Variants in RTL1 observed in about 807,000 individuals in gnomAD.
RTL1 encodes the protein retrotransposon-like protein 1.
For missense variants in RTL1, 1,681 were observed against 1,767.5 expected (o/e 0.95, Z 0.88); for synonymous variants, 727 against 748.4 (o/e 0.97, Z 0.47).
At chr14:100,895,350 CTG>C (rs956573992) in intron 2 of RTL1, among the ~76,000 whole-genome samples, 1 of 152,066 alleles carries the variant, frequency 6.6e-6, no homozygotes, top group Non-Finnish European at 1.5e-5. Flanking sequence ...AGATGGATGA[CTG>C]TGGACATGTG....
At position 100,883,817 on chromosome 14, in the gene RTL1, G is replaced by C. The variant is rs1295551468; in HGVS notation, c.972C>G (p.Ala324=). The change falls in exon 4 of 4, where the codon GCC becomes GCG. Residue 324 remains alanine (A), a synonymous_variant. Coordinates refer to ENST00000649591, the MANE Select transcript of RTL1 (RefSeq NM_001134888.3). This position sits in a 1 kb window ranked among gnomAD's most constrained non-coding sequence, Gnocchi z 5.9. ...CCTCGTTGAGCCCCTGGCACAAGTGGGCCTGCAGGACTTCATCTGGCCAGC... is the reference window on the plus strand; with the variant it reads ...CCTCGTTGAGCCCCTGGCACAAGTGCGCCTGCAGGACTTCATCTGGCCAGC... The part of the protein sequence containing the change: ...ILGWPDEVLQ[A]HLCQGLNEEI... 10 of 1,551,648 alleles carry C rather than the reference G, an allele frequency of 6.4e-6. No individual in the cohort carries two copies. Among genetic ancestry groups the C allele is most frequent in the Non-Finnish European group, 8.7e-6 (10 of 1,146,988 alleles).
intron 2 of RTL1, among the ~76,000 whole-genome samples, chr14:100,902,592 C>T (rs1414304580): frequency 2.0e-5 from 3 of 150,816 alleles, no homozygotes; most frequent in Non-Finnish European, 4.4e-5. Context: ...CCGGCCAGCC[C>T]TGGTCAGCCC....
Position 100,883,304 on chromosome 14 carries a change from T to C in RTL1, c.1485A>G (p.Val495=), listed in dbSNP as rs376681832. Residue 495 remains valine (V), a synonymous_variant, in exon 4 of 4, where the codon GTA becomes GTG. Transcript: ENST00000649591. The surrounding 1 kb of genome is among the most constrained non-coding windows in gnomAD (Gnocchi z 5.9). ...NHQESIEFDI[V]PSPNFSVVLG... is the part of the protein sequence containing the mutation. ...GGACCACAGAGAAGTTCGGTGAAGG[T>C]ACGATGTCAAATTCGATGGACTCCT... The C allele has an allele frequency of 3.9e-6, 6 of 1,550,842 alleles. No individual in the cohort carries two copies. The African/African-American group carries it at 8.2e-5, about 21-fold the overall frequency.
At position 100,883,133 on chromosome 14, in the gene RTL1, T is replaced by G. The variant is rs766031508; in HGVS notation, c.1656A>C (p.Leu552=). The G allele has an allele frequency of 1.2e-6, 2 of 1,610,344 alleles. No individual in the cohort carries two copies. Among genetic ancestry groups the G allele is most frequent in the Non-Finnish European group, 1.7e-6 (2 of 1,178,044 alleles). The part of the protein sequence containing the change: ...IALERHGMSL[L]PGLPHPYSDL... ...CTGAGTATGGGTGTGGCAGTCCGGG[T>G]AGCAGGCTCATGCCGTGCCTCTCTA... The change falls in exon 4 of 4, where the codon CTA becomes CTC. Residue 552 remains leucine (L), a synonymous_variant. Coordinates refer to ENST00000649591, the MANE Select transcript of RTL1 (RefSeq NM_001134888.3). This position sits in a 1 kb window ranked among gnomAD's most constrained non-coding sequence, Gnocchi z 5.9.
chr14:100,882,614 C>G lies in RTL1; in HGVS notation c.2175G>C (p.Gly725=). Residue 725 remains glycine (G), a synonymous_variant, in exon 4 of 4, where the codon GGG becomes GGC. Coordinates refer to ENST00000649591, the MANE Select transcript of RTL1 (RefSeq NM_001134888.3). ...CCTGGCCATAAGAAAGCACAAAGAA[C>G]CCTAGCATGTCCTTTAGGATGAAGT... is the stretch of plus-strand genomic sequence containing the variant. ...VIHFILKDML[G]FFVLSYGQEV... 6.4e-7 allele frequency: 1 copy of G among 1,551,716 alleles called. No individual in the cohort carries two copies.
chr14:100,882,985 C>T lies in RTL1; in HGVS notation c.1804G>A (p.Asp602Asn). The change falls in exon 4 of 4, where the codon GAT becomes AAT. Residue 602 changes from aspartate to asparagine, a missense_variant. By Grantham distance (23) the Asp-to-Asn change is conservative. Coordinates refer to ENST00000649591, the MANE Select transcript of RTL1 (RefSeq NM_001134888.3). ...CACTCGTAAAAGGTCTCGCTGTGAT[C>T]ACTGTCTCCAGCCTGCTGAAGCTCA... The part of the protein sequence containing the change: ...PSELQQAGDS[D>N]HSETFYECPS... 1 of 1,614,136 alleles carries T rather than the reference C, an allele frequency of 6.2e-7. No individual in the cohort carries two copies. Among genetic ancestry groups the T allele is most frequent in the South Asian group, 1.1e-5 (1 of 91,060 alleles).
chr14:100,884,358 G>A lies in RTL1; in HGVS notation c.431C>T (p.Ser144Leu), dbSNP rs959063893. The A allele has an allele frequency of 1.3e-5, 20 of 1,560,634 alleles. No homozygotes were observed. Among genetic ancestry groups the A allele is most frequent in the African/African-American group, 4.1e-5 (3 of 73,554 alleles). The change falls in exon 4 of 4, where the codon TCG becomes TTG. Residue 144 changes from serine (S) to leucine (L), a missense_variant. Ser to Leu is a moderately radical substitution (Grantham distance 145, BLOSUM62 -2). Transcript: ENST00000649591. ...CTCTTGAGGAGTCTCCTCCCTTCCCGATTCCTTCAGGTCAGTGTGAGCCTC... is the reference window on the plus strand; with the variant it reads ...CTCTTGAGGAGTCTCCTCCCTTCCCAATTCCTTCAGGTCAGTGTGAGCCTC... Reference protein sequence around the residue: ...EQEAHTDLKESGREETPQEQN... With the variant: ...EQEAHTDLKELGREETPQEQN...
intron 2 of RTL1, among the ~76,000 whole-genome samples, chr14:100,895,495 C>A (rs1198439220): frequency 3.9e-5 from 6 of 152,068 alleles, no homozygotes; most frequent in Non-Finnish European, 5.9e-5. Flanking sequence ...GTAGAAAAGG[C>A]ACTTATTTTA....
intron 3 of RTL1, among the ~76,000 whole-genome samples, chr14:100,891,326 T>C (rs775542946): frequency 5.3e-5 from 8 of 152,212 alleles, no homozygotes; most frequent in Non-Finnish European, 8.8e-5. Context: ...ACCGAGGTCC[T>C]TGAATGCCAG....
At chr14:100,894,372 G>A (rs1047721793) in intron 2 of RTL1, among the ~76,000 whole-genome samples, 9 of 150,822 alleles carry the variant, frequency 6.0e-5, no homozygotes, top group Non-Finnish European at 8.8e-5. Flanking sequence ...TCTGGGCCCC[G>A]GCCTCTGTTG....
At position 100,883,485 on chromosome 14, in the gene RTL1, C is replaced by G; in HGVS notation, c.1304G>C (p.Gly435Ala). The G allele has an allele frequency of 6.4e-7, 1 of 1,551,356 alleles. No homozygotes were observed. Among genetic ancestry groups the G allele is most frequent in the Non-Finnish European group, 8.7e-7 (1 of 1,146,936 alleles). ...GGCGAACTTCTCATCCATGAAGTTG[C>G]CGTCAGCTCCCGAATCCACCAGGGC... is the stretch of plus-strand genomic sequence containing the variant. ...VQALVDSGAD[G>A]NFMDEKFAQE... Residue 435 changes from glycine to alanine, a missense_variant, in exon 4 of 4, where the codon GGC (glycine) becomes GCC (alanine). By Grantham distance (60) the Gly-to-Ala change is moderately conservative. Coordinates refer to ENST00000649591, the MANE Select transcript of RTL1 (RefSeq NM_001134888.3). The surrounding 1 kb of genome is among the most constrained non-coding windows in gnomAD (Gnocchi z 5.9).
Position 100,882,105 on chromosome 14 carries a change from T to C in RTL1, c.2684A>G (p.Asp895Gly), listed in dbSNP as rs183287210. Residue 895 changes from aspartate (D) to glycine (G), a missense_variant, in exon 4 of 4, where the codon GAC (aspartate) becomes GGC (glycine). Transcript: ENST00000649591. ...ALHASLIQIDDQTGKRACCAF... is the reference protein window; with the variant it reads ...ALHASLIQIDGQTGKRACCAF... ...GCAGCAGGCTCTCTTGCCGGTTTGG[T>C]CGTCGATTTGGATCAGGGAGGCGTG... 5 of 1,567,348 alleles carry C rather than the reference T, an allele frequency of 3.2e-6. No homozygotes were observed. Among genetic ancestry groups the C allele is most frequent in the African/African-American group, 1.4e-5 (1 of 73,780 alleles).
chr14:100,880,282 A>G lies in RTL1; in HGVS notation c.*430T>C, dbSNP rs1458385000. Among the ~76,000 whole-genome samples the G allele has an allele frequency of 6.6e-6, 1 of 151,508 alleles. No individual in the cohort carries two copies. Among genetic ancestry groups the G allele is most frequent in the Non-Finnish European group, 1.5e-5 (1 of 67,902 alleles). On this transcript the variant is annotated 3_prime_UTR_variant, in exon 4 of 4. Transcript: ENST00000649591. ...CAGTGGAGGTAGAAGAAGTCAGTGG[A>G]GCACCCGAGGTCAGTGTCCCAGGGT...
At position 100,883,361 on chromosome 14, in the gene RTL1, C is replaced by T; in HGVS notation, c.1428G>A (p.Thr476=). 2 of 1,551,302 alleles carry T rather than the reference C, an allele frequency of 1.3e-6. No individual in the cohort carries two copies. The highest frequency in any genetic ancestry group is 1.7e-6 in the Non-Finnish European group (2 of 1,146,814). ...TCTGGTGGATACACACCAGGGGCTC[C>T]GTGTAGAGCCAGACAGGCTCGTTGC... The part of the protein sequence containing the change: ...LIGNEPVWLY[T]EPLVCIHQNH... The change falls in exon 4 of 4, where the codon ACG becomes ACA. Residue 476 remains threonine, a synonymous_variant. Coordinates refer to ENST00000649591, the MANE Select transcript of RTL1 (RefSeq NM_001134888.3). The surrounding 1 kb of genome is among the most constrained non-coding windows in gnomAD (Gnocchi z 5.9).
chr14:100,884,485 A>G lies in RTL1; in HGVS notation c.304T>C (p.Ser102Pro). ...CTTGCCTGGTGTGAACCGTTGCATGACTCCTCCAGGTCTTGGAGTAGGTCA... is the reference window on the plus strand; with the variant it reads ...CTTGCCTGGTGTGAACCGTTGCATGGCTCCTCCAGGTCTTGGAGTAGGTCA... ...PNDLLQDLEE[S>P]CNGSHQARGD... The change falls in exon 4 of 4, where the codon TCA (serine) becomes CCA (proline). Residue 102 changes from serine to proline, a missense_variant. Transcript: ENST00000649591. The G allele has an allele frequency of 6.8e-6, 11 of 1,612,910 alleles. No individual in the cohort carries two copies. The highest frequency in any genetic ancestry group is 9.3e-6 in the Non-Finnish European group (11 of 1,179,688).
chr14:100,883,704 G>T lies in RTL1; in HGVS notation c.1085C>A (p.Ala362Glu), dbSNP rs1302412847. Residue 362 changes from alanine (A) to glutamate (E), a missense_variant, in exon 4 of 4, where the codon GCA (alanine) becomes GAA (glutamate). Ala to Glu is a moderately radical substitution (Grantham distance 107, BLOSUM62 -1). Transcript: ENST00000649591. This position sits in a 1 kb window ranked among gnomAD's most constrained non-coding sequence, Gnocchi z 5.9. Reference protein sequence around the residue: ...VLILQIEEKLAERRAMLRLPP... With the variant: ...VLILQIEEKLEERRAMLRLPP... ...CAGCCTGAGCATAGCTCTTCTCTCT[G>T]CCAGCTTCTCTTCTATTTGCAGGAT... 1 of 1,551,612 alleles carries T rather than the reference G, an allele frequency of 6.4e-7. No homozygotes were observed. Among genetic ancestry groups the T allele is most frequent in the Admixed American group, 2.0e-5 (1 of 51,004 alleles).
intron 2 of RTL1, among the ~76,000 whole-genome samples, chr14:100,895,521 G>A (rs968079153): frequency 4.6e-5 from 7 of 152,164 alleles, no homozygotes; most frequent in Non-Finnish European, 5.9e-5. Context: ...ATCTGCCGCC[G>A]AATGGCCCTT....
At chr14:100,902,870 G>A (rs1032478444) in intron 2 of RTL1, among the ~76,000 whole-genome samples, 1 of 152,174 alleles carries the variant, frequency 6.6e-6, no homozygotes, top group Admixed American at 6.5e-5. Flanking sequence ...CCCAGGGAGG[G>A]AGAGAGAGGT....
chr14:100,899,994 C>T (rs1595346520), intron 2 of RTL1, among the ~76,000 whole-genome samples: 1 of 152,224 alleles, frequency 6.6e-6, no homozygotes, highest in East Asian at 1.9e-4. Context: ...CAGACATCTT[C>T]CCAGGGAAAA....
Sources: allele counts gnomAD v4.1 joint callset (sites outside exome capture counted in the v4.1 genomes callset), GRCh38; gene constraint gnomAD v4.1.1; non-coding constraint Gnocchi (gnomAD v3.1); transcripts MANE v1.5; gene names NCBI Gene and HGNC (gene_info 2026-07-23, HGNC 2026-07-21).